LIN9: variants seen among roughly 807,000 people sequenced by gnomAD.
LIN9 encodes protein lin-9 homolog.
A neutral mutation model predicts 78.0 loss-of-function variants in LIN9; 18 were observed. That is an observed-to-expected ratio of 0.23 (90% confidence interval 0.16 to 0.34). LIN9 has a LOEUF of 0.34. Ranked by LOEUF, LIN9 falls within the 10% of genes least tolerant of loss-of-function variation. LIN9 has a pLI of 1.00. For synonymous variants in LIN9, 192 were observed against 215.2 expected (o/e 0.89, Z 0.94); for missense variants, 451 against 644.1 (o/e 0.70, Z 3.25).
chr1:226,299,401 G>A (rs1258483060), intron 2 of LIN9, among the ~76,000 whole-genome samples: 3 of 151,604 alleles, frequency 2.0e-5, no homozygotes, highest in Non-Finnish European at 2.9e-5. Context: ...CTACTCAGGA[G>A]GCTGAGGCAC....
intron 4 of LIN9, among the ~76,000 whole-genome samples, chr1:226,290,063 CAT>C (rs1040294349): frequency 7.0e-4 from 106 of 151,850 alleles, no homozygotes; most frequent in African/African-American, 2.5e-3. Context: ...TTTAAAATCC[CAT>C]ATGTTAAAAA....
At chr1:226,297,655 A>G (rs1012880077) in intron 3 of LIN9, 64 bp downstream of exon 3, 9 of 1,125,832 alleles carry the variant, frequency 8.0e-6, no homozygotes, top group Non-Finnish European at 1.0e-5. Flanking sequence ...GAATTTACAC[A>G]TGACAATAAT....
chr1:226,252,330 G>A (rs1183773260), intron 10 of LIN9, among the ~76,000 whole-genome samples: 1 of 149,262 alleles, frequency 6.7e-6, no homozygotes, highest in African/African-American at 2.4e-5. Context: ...ATGAATGAAT[G>A]AATGAATGTC....
intron 10 of LIN9, among the ~76,000 whole-genome samples, chr1:226,257,139 G>A (rs1310908634): frequency 5.3e-5 from 8 of 151,280 alleles, no homozygotes; most frequent in African/African-American, 1.5e-4. Flanking sequence ...TAGTAGAGAC[G>A]GGGTTTCACC....
intron 7 of LIN9, among the ~76,000 whole-genome samples, chr1:226,276,035 A>C (rs912853921): frequency 6.6e-6 from 1 of 152,232 alleles, no homozygotes; most frequent in South Asian, 2.1e-4. Flanking sequence ...CTCAAAAAAC[A>C]AAAACAAAAA....
chr1:226,265,949 T>TTAC lies in LIN9; in HGVS notation c.936+261_936+263dup, dbSNP rs1659880604. ...GCCTCAGCCTCCCAAAGTGCTGGGA[T>TTAC]TACAGGCGTGAGCCACTGCGCCCGG... On this transcript the variant is annotated intron_variant, in intron 9 of 14. Coordinates refer to ENST00000681046, the MANE Select transcript of LIN9 (RefSeq NM_001366245.2). This position sits in a 1 kb window ranked among gnomAD's most constrained non-coding sequence, Gnocchi z 4.1. 6.6e-6 allele frequency among the ~76,000 whole-genome samples: 1 copy of TTAC among 152,200 alleles called. No individual in the cohort carries two copies. The highest frequency in any genetic ancestry group is 1.5e-5 in the Non-Finnish European group (1 of 68,048).
chr1:226,232,792 C>G, intron 14 of LIN9, 186 bp from the exon 15 acceptor site: 1 of 497,340 alleles, frequency 2.0e-6, no homozygotes, highest in Non-Finnish European at 3.5e-6. Context: ...TCTAAAGAAG[C>G]AAAGGAGCCA....
At chr1:226,287,902 A>G in intron 4 of LIN9, 105 bp from the exon 5 acceptor site, 1 of 757,430 alleles carries the variant, frequency 1.3e-6, no homozygotes, top group South Asian at 1.7e-5. Context: ...TAAGTACTTA[A>G]AAAGGTTCAC....
chr1:226,308,993 G>A (rs957929298), intron 1 of LIN9, 116 bp downstream of exon 1: 26 of 1,054,236 alleles, frequency 2.5e-5, no homozygotes, highest in Non-Finnish European at 3.1e-5. Context: ...GACCACAGTG[G>A]GGCTGGCAGT....
intron 7 of LIN9, among the ~76,000 whole-genome samples, chr1:226,273,783 A>G (rs952889358): frequency 6.6e-6 from 1 of 151,014 alleles, no homozygotes; most frequent in Non-Finnish European, 1.5e-5. Context: ...TGCATACTAA[A>G]GTTTTTGAGC....
intron 2 of LIN9, among the ~76,000 whole-genome samples, chr1:226,299,888 T>C (rs2102670080): frequency 6.6e-6 from 1 of 152,222 alleles, no homozygotes; most frequent in South Asian, 2.1e-4. Flanking sequence ...TATTCTTTTA[T>C]TTTTATTTCA....
At chr1:226,305,080 G>T (rs956495830) in intron 1 of LIN9, among the ~76,000 whole-genome samples, 1 of 151,890 alleles carries the variant, frequency 6.6e-6, no homozygotes, top group East Asian at 1.9e-4. Context: ...TAAGGCAGGA[G>T]AATTGCTTGA....
chr1:226,289,975 T>C (rs917030122), intron 4 of LIN9, among the ~76,000 whole-genome samples: 2 of 151,920 alleles, frequency 1.3e-5, no homozygotes, highest in Admixed American at 1.3e-4. Context: ...AATTTTAGTG[T>C]AGAAAAGGTC....
chr1:226,264,615 G>A (rs1421075097), intron 10 of LIN9, among the ~76,000 whole-genome samples: 1 of 152,116 alleles, frequency 6.6e-6, no homozygotes, highest in African/African-American at 2.4e-5. Context: ...GGAGGCCAAG[G>A]TGGGGGGATC....
chr1:226,267,230 GATATATAT>G (rs4012808), intron 8 of LIN9, among the ~76,000 whole-genome samples: 7 of 137,698 alleles, frequency 5.1e-5, no homozygotes, highest in South Asian at 2.3e-4. Context: ...GCACTAAGGA[GATATATAT>G]ATATATATAT....
chr1:226,259,482 C>T (rs370881626), intron 10 of LIN9, among the ~76,000 whole-genome samples: 1 of 152,108 alleles, frequency 6.6e-6, no homozygotes, highest in African/African-American at 2.4e-5. Context: ...CTTCATCCAA[C>T]AACCATAGAA....
At chr1:226,237,741 A>G (rs1657814572) in intron 12 of LIN9, among the ~76,000 whole-genome samples, 1 of 151,652 alleles carries the variant, frequency 6.6e-6, no homozygotes, top group East Asian at 1.9e-4. Context: ...TGAGGTCAGG[A>G]GTTCGAGACC....
At chr1:226,284,361 T>C (rs1300972605) in intron 6 of LIN9, among the ~76,000 whole-genome samples, 1 of 152,164 alleles carries the variant, frequency 6.6e-6, no homozygotes, top group Non-Finnish European at 1.5e-5. Flanking sequence ...CTTCATTACT[T>C]TGCTTTTTCA....
At chr1:226,270,215 C>T (rs1033749526) in intron 7 of LIN9, among the ~76,000 whole-genome samples, 2 of 152,082 alleles carry the variant, frequency 1.3e-5, no homozygotes, top group Non-Finnish European at 2.9e-5. Flanking sequence ...CGTGAGCCAC[C>T]GCACCCAGCC....
Sources: gnomAD v4.1 joint callset for allele counts (sites outside exome capture counted in the v4.1 genomes callset) on GRCh38, gnomAD v4.1.1 for gene constraint, Gnocchi (gnomAD v3.1) non-coding constraint, MANE v1.5 for transcripts, NCBI Gene and HGNC (gene_info 2026-07-23, HGNC 2026-07-21) for gene names.